SOCS2: variants seen among roughly 807,000 people sequenced by gnomAD.
SOCS2 encodes the protein suppressor of cytokine signaling 2, also known as CIS-2.
SOCS2 carries 10 observed loss-of-function variants against 18.6 expected under a neutral mutation model. The ratio of observed to expected loss-of-function variants is 0.54; its 90% CI spans 0.33 to 0.91. The LOEUF (loss-of-function observed/expected upper bound fraction) is 0.91. Ranked by LOEUF, SOCS2 falls within the 40% of genes least tolerant of loss-of-function variation. The pLI is 0.02. For synonymous variants in SOCS2, 104 were observed against 104.0 expected, an observed-to-expected ratio of 1.00 and a Z score of 0.00; for missense variants, 231 against 247.2, an observed-to-expected ratio of 0.93 and a Z score of 0.44.
chr12:93,604,723 G>C, the SOCS2 span, among the ~76,000 whole-genome samples: 1 of 151,936 alleles, frequency 6.6e-6, no homozygotes, highest in African/African-American at 2.4e-5. Context: ...GTAGTGGTGC[G>C]ATCACAGCTC....
chr12:93,613,638 G>A, the SOCS2 span, among the ~76,000 whole-genome samples: 6 of 152,204 alleles, frequency 3.9e-5, no homozygotes. Context: ...ACACTCTAAA[G>A]AGAAATTGTC....
chr12:93,622,332 G>A, the SOCS2 span, among the ~76,000 whole-genome samples: 1 of 152,132 alleles, frequency 6.6e-6, no homozygotes, highest in Non-Finnish European at 1.5e-5. Flanking sequence ...CAATTAAGAG[G>A]TCTGAGGTAG....
the SOCS2 span, among the ~76,000 whole-genome samples, chr12:93,589,959 G>C: frequency 6.6e-6 from 1 of 152,176 alleles, no homozygotes. Context: ...GGATTGTTGA[G>C]ATGGACCTTC....
the SOCS2 span, among the ~76,000 whole-genome samples, chr12:93,606,006 A>G: frequency 1.3e-5 from 2 of 152,244 alleles, no homozygotes; most frequent in Admixed American, 1.3e-4. Context: ...CAGTCTGGAC[A>G]TATGTAGTCC....
In SOCS2 at chr12:93,572,698, G is replaced by A. The variant is rs1212653870; in HGVS notation, c.-200G>A. ...TTCTCTTTGTAGGCGATCAGTGGGT[G>A]ACCGCGGCTGCGAGGGACTTTGTCA... On this transcript the variant is annotated 5_prime_UTR_variant, in exon 1 of 2. Coordinates refer to ENST00000551556, the MANE Select transcript of SOCS2 (RefSeq NM_001270471.2). The surrounding 1 kb of genome is among the most constrained non-coding windows in gnomAD (Gnocchi z 5.0). The A allele has an allele frequency of 2.6e-6, 2 of 767,530 alleles. No individual in the cohort carries two copies. Among genetic ancestry groups the A allele is most frequent in the Admixed American group, 2.0e-5 (1 of 50,012 alleles). The allele number at this position is 767,530 out of a possible 1,614,324, so 47.5% of individuals were successfully genotyped here.
the SOCS2 span, among the ~76,000 whole-genome samples, chr12:93,608,344 G>A: frequency 6.6e-6 from 1 of 152,092 alleles, no homozygotes; most frequent in African/African-American, 2.4e-5. Context: ...TAAAAATACA[G>A]AAGGATATTT....
the SOCS2 span, among the ~76,000 whole-genome samples, chr12:93,589,014 C>G: frequency 2.6e-5 from 4 of 152,218 alleles, no homozygotes; most frequent in Non-Finnish European, 4.4e-5. Context: ...CTGGCTGGAG[C>G]AGAATGCTTA....
the SOCS2 span, among the ~76,000 whole-genome samples, chr12:93,609,637 T>C: frequency 6.6e-6 from 1 of 152,072 alleles, no homozygotes; most frequent in Non-Finnish European, 1.5e-5. Flanking sequence ...AGAGATAAAA[T>C]AGAGAGCATC....
At chr12:93,621,325 A>G in the SOCS2 span, among the ~76,000 whole-genome samples, 1 of 150,856 alleles carries the variant, frequency 6.6e-6, no homozygotes, top group Non-Finnish European at 1.5e-5. Context: ...TTGGGAAGGG[A>G]AATTACACAG....
the SOCS2 span, among the ~76,000 whole-genome samples, chr12:93,611,467 C>T: frequency 2.0e-5 from 3 of 152,092 alleles, no homozygotes; most frequent in East Asian, 5.8e-4. Context: ...TAACTCCTGA[C>T]CTCAAGTGAT....
At chr12:93,606,637 G>A in the SOCS2 span, among the ~76,000 whole-genome samples, 1 of 152,016 alleles carries the variant, frequency 6.6e-6, no homozygotes, top group Non-Finnish European at 1.5e-5. Context: ...CTTTAGAGTT[G>A]AAAACAAGCA....
downstream of SOCS2, among the ~76,000 whole-genome samples, chr12:93,586,130 A>T (rs1217051975): frequency 6.6e-6 from 1 of 152,154 alleles, no homozygotes; most frequent in Non-Finnish European, 1.5e-5. Context: ...AGGACTGACC[A>T]TATTAAAGAG....
At chr12:93,623,178 C>T in the SOCS2 span, among the ~76,000 whole-genome samples, 1,007 of 152,156 alleles carry the variant, frequency 6.6e-3, 16 homozygotes, top group African/African-American at 0.023. Flanking sequence ...AGGCTGGTCT[C>T]GTGATAGTGA....
At chr12:93,593,561 T>C in the SOCS2 span, among the ~76,000 whole-genome samples, 1 of 152,228 alleles carries the variant, frequency 6.6e-6, no homozygotes, top group South Asian at 2.1e-4. Context: ...AAACATGTGG[T>C]TCACATTGCT....
chr12:93,614,528 CTTCCTTCCTTCCTTCTTTCTTTCT>C, the SOCS2 span, among the ~76,000 whole-genome samples: 1 of 80,458 alleles, frequency 1.2e-5, no homozygotes, highest in Non-Finnish European at 2.1e-5. Flanking sequence ...TCCTTCCTTC[CTTCCTTCCTTCCTTCTTTCTTTCT>C]TTCTTTCTTT....
the SOCS2 span, among the ~76,000 whole-genome samples, chr12:93,604,466 G>A: frequency 9.2e-3 from 1,393 of 152,150 alleles, 12 homozygotes; most frequent in Non-Finnish European, 0.015. Flanking sequence ...TAAAAATGTA[G>A]TTTTGTCAGA....
downstream of SOCS2, among the ~76,000 whole-genome samples, chr12:93,586,873 A>G (rs1465665649): frequency 2.0e-5 from 3 of 152,246 alleles, no homozygotes; most frequent in Non-Finnish European, 4.4e-5. Context: ...GAATGTTAAA[A>G]AACACAGTCC....
At chr12:93,587,633 A>C (rs1954592555), downstream of SOCS2, among the ~76,000 whole-genome samples, 1 of 149,216 alleles carries the variant, frequency 6.7e-6, no homozygotes, top group Non-Finnish European at 1.5e-5. Context: ...GTGAGCTGAG[A>C]TTGTGCCACT....
chr12:93,614,480 T>TTCCTTCCTTTCTTTCTTTCTTTCTTTCC, the SOCS2 span, among the ~76,000 whole-genome samples: 6 of 26,152 alleles, frequency 2.3e-4, no homozygotes, highest in African/African-American at 1.3e-3. Flanking sequence ...CCTTCCTTCC[T>TTCCTTCCTTTCTTTCTTTCTTTCTTTCC]TTCCTTCCTT....
Sources: allele counts gnomAD v4.1 joint callset (sites outside exome capture counted in the v4.1 genomes callset), GRCh38; gene constraint gnomAD v4.1.1; non-coding constraint Gnocchi (gnomAD v3.1); transcripts MANE v1.5; gene names NCBI Gene and HGNC (gene_info 2026-07-23, HGNC 2026-07-21).